Variants in DNAI7 observed in about 807,000 individuals in gnomAD.
The protein encoded by DNAI7 is dynein axonemal intermediate chain 7, also known as cancer susceptibility 1.
In DNAI7, 78 loss-of-function variants were observed where a neutral mutation model predicts 86.6. The observed-to-expected ratio is 0.90, with a 90% confidence interval of 0.75 to 1.09. DNAI7 has a LOEUF of 1.09. Ranked by LOEUF, DNAI7 falls within the 50% of genes least tolerant of loss-of-function variation. The probability of loss-of-function intolerance (pLI) is 0.00; values close to 1 mark genes in which losing one functional copy is unlikely to be tolerated. For missense variants in DNAI7, 753 were observed against 810.2 expected (o/e 0.93, Z 0.86); for synonymous variants, 274 against 273.0 (o/e 1.00, Z -0.04).
At chr12:25,119,324 C>T (rs1354830618) in intron 11 of DNAI7, 23 bp from the exon 12 acceptor site, 1 of 1,552,870 alleles carries the variant, frequency 6.4e-7, no homozygotes, top group Admixed American at 1.8e-5. Context: ...ACCAAAACAA[C>T]ATCAAGTTAG....
chr12:25,117,036 C>A (rs1940255834), intron 12 of DNAI7, among the ~76,000 whole-genome samples: 1 of 152,060 alleles, frequency 6.6e-6, no homozygotes, highest in Non-Finnish European at 1.5e-5. Context: ...TGGGCTCAAA[C>A]AATGCTCCCA....
At chr12:25,151,821 T>C (rs1160327193) in intron 6 of DNAI7, among the ~76,000 whole-genome samples, 3 of 152,224 alleles carry the variant, frequency 2.0e-5, no homozygotes, top group Non-Finnish European at 4.4e-5. Context: ...GTTTATTTGT[T>C]AAATGACTCT....
intron 9 of DNAI7, among the ~76,000 whole-genome samples, chr12:25,135,921 C>T (rs968957548): frequency 2.0e-5 from 3 of 152,052 alleles, no homozygotes; most frequent in Non-Finnish European, 4.4e-5. Context: ...CTTTACCTAC[C>T]CTGATAGCCA....
chr12:25,107,647 G>C (rs1397010181), downstream of DNAI7, among the ~76,000 whole-genome samples: 2 of 152,380 alleles, frequency 1.3e-5, no homozygotes, highest in East Asian at 3.9e-4. Context: ...TAGGTACAAA[G>C]GGTGGGAGGC....
chr12:25,151,316 A>C (rs1221661202), intron 6 of DNAI7, among the ~76,000 whole-genome samples: 1 of 152,222 alleles, frequency 6.6e-6, no homozygotes, highest in African/African-American at 2.4e-5. Flanking sequence ...ATTAAGCACT[A>C]TATAAGAGTT....
chr12:25,116,498 T>C (rs1940129659), intron 12 of DNAI7, among the ~76,000 whole-genome samples: 1 of 126,420 alleles, frequency 7.9e-6, no homozygotes, highest in Admixed American at 9.5e-5. Context: ...TAATTCTAAT[T>C]TCATGTGAAT....
rs1045142588 is a variant in DNAI7, at chr12:25,108,744, C to T, written c.1973G>A (p.Arg658Lys). 1.3e-6 allele frequency: 2 copies of T among 1,502,236 alleles called. No individual in the cohort carries two copies. Among genetic ancestry groups the T allele is most frequent in the Admixed American group, 3.7e-5 (2 of 53,828 alleles). 93.1% of individuals were successfully genotyped at this position (1,502,236 alleles called of 1,614,324 possible). ...LLMFSGDRAQ[R>K]LKIKEESEAF... ...CTCACTCTCTTCCTTGATCTTCAGT[C>T]TTTGTGCTCTGTCACCACTAAACAT... Residue 658 changes from arginine to lysine, a missense_variant, in exon 16 of 16, where the codon AGA becomes AAA. Arg to Lys is a conservative substitution (Grantham distance 26). Coordinates refer to ENST00000395987, the MANE Select transcript of DNAI7 (RefSeq NM_018272.5).
intron 6 of DNAI7, among the ~76,000 whole-genome samples, chr12:25,153,810 T>C (rs1400900265): frequency 1.3e-5 from 2 of 148,936 alleles, no homozygotes; most frequent in African/African-American, 2.6e-5. Context: ...AATAAATTAG[T>C]TTTTTTTCCC....
At chr12:25,162,026 A>T (rs1946888345) in intron 2 of DNAI7, among the ~76,000 whole-genome samples, 1 of 152,230 alleles carries the variant, frequency 6.6e-6, no homozygotes, top group South Asian at 2.1e-4. Context: ...ACAATTCAAT[A>T]AATTGAAGTC....
intron 2 of DNAI7, among the ~76,000 whole-genome samples, chr12:25,161,945 T>C (rs1342849849): frequency 2.6e-5 from 4 of 152,282 alleles, no homozygotes; most frequent in Admixed American, 2.0e-4. Context: ...CTATAAAGAA[T>C]ATAATTTTGA....
chr12:25,162,856 G>A (rs532817492), intron 2 of DNAI7, among the ~76,000 whole-genome samples: 13 of 152,260 alleles, frequency 8.5e-5, no homozygotes, highest in Non-Finnish European at 1.9e-4. Flanking sequence ...CTAGCAATAC[G>A]AGCAGCTGAA....
chr12:25,148,497 C>T (rs1945134879), intron 7 of DNAI7, among the ~76,000 whole-genome samples: 1 of 152,136 alleles, frequency 6.6e-6, no homozygotes, highest in Non-Finnish European at 1.5e-5. Context: ...CAGCTTTTCA[C>T]CTAATCATTT....
intron 2 of DNAI7, among the ~76,000 whole-genome samples, chr12:25,178,660 A>C (rs1217018156): frequency 2.0e-5 from 3 of 152,202 alleles, no homozygotes; most frequent in African/African-American, 7.2e-5. Flanking sequence ...AATTTAAAAT[A>C]AATTATACAA....
chr12:25,127,914 TGTTTTGA>T (rs1349972784), intron 9 of DNAI7, among the ~76,000 whole-genome samples: 1 of 152,228 alleles, frequency 6.6e-6, no homozygotes, highest in African/African-American at 2.4e-5. Flanking sequence ...ATATGGTATG[TGTTTTGA>T]GACAGCTGGC....
Position 25,108,807 on chromosome 12 carries a change from G to A in DNAI7, c.1910C>T (p.Thr637Ile). The A allele has an allele frequency of 3.6e-6, 2 of 563,014 alleles. No homozygotes were observed. The highest frequency in any genetic ancestry group is 5.6e-6 in the Non-Finnish European group (2 of 354,566). The allele number at this position is 563,014 out of a possible 1,614,324, so 34.9% of individuals were successfully genotyped here. ...KVVFKVREHL[T>I]EACTENPNWA... The stretch of plus-strand genomic sequence containing the variant: ...ATTAGGATTCTCAGTACATGCTTCA[G>A]TAAGGTGTTCCCTCACCTAAAAAAA... The change falls in exon 16 of 16, where the codon ACT (threonine) becomes ATT (isoleucine). Residue 637 changes from threonine (T) to isoleucine (I), a missense_variant. By Grantham distance (89) the Thr-to-Ile change is moderately conservative. Coordinates refer to ENST00000395987, the MANE Select transcript of DNAI7 (RefSeq NM_018272.5).
intron 9 of DNAI7, among the ~76,000 whole-genome samples, chr12:25,124,032 T>TTGTGTG (rs57454187): frequency 0.14 from 19,842 of 144,540 alleles, 1,563 homozygotes; most frequent in Non-Finnish European, 0.17. Flanking sequence ...AGTATAAAAA[T>TTGTGTG]TGTGTGTGTG....
chr12:25,173,528 T>C (rs1469850907), intron 2 of DNAI7, among the ~76,000 whole-genome samples: 2 of 152,136 alleles, frequency 1.3e-5, no homozygotes, highest in African/African-American at 4.8e-5. Flanking sequence ...ACAGCCACTA[T>C]GGAAAACAGT....
At chr12:25,114,629 T>A (rs778556022) in intron 13 of DNAI7, 27 bp downstream of exon 13, 1 of 1,479,200 alleles carries the variant, frequency 6.8e-7, no homozygotes, top group Admixed American at 1.7e-5. Context: ...GATACGATAG[T>A]ACATAACAGC....
intron 8 of DNAI7, among the ~76,000 whole-genome samples, chr12:25,146,437 A>G (rs1944840124): frequency 6.6e-6 from 1 of 151,502 alleles, no homozygotes; most frequent in Admixed American, 6.6e-5. Flanking sequence ...TCTCTACTAA[A>G]AATACAAAAA....
Sources: allele counts gnomAD v4.1 joint callset (sites outside exome capture counted in the v4.1 genomes callset), GRCh38; gene constraint gnomAD v4.1.1; transcripts MANE v1.5; gene names NCBI Gene and HGNC (gene_info 2026-07-23, HGNC 2026-07-21).